Variants in BCAS3 observed in about 807,000 individuals in gnomAD.
BCAS3 encodes the protein BCAS4/BCAS3 fusion.
In BCAS3, 53 loss-of-function variants were observed where a neutral mutation model predicts 116.1. The observed-to-expected ratio is 0.46, with a 90% CI of 0.37 to 0.57. BCAS3 has a LOEUF of 0.57. Among genes scored for constraint, BCAS3 ranks in the 20% least tolerant of loss-of-function variants. BCAS3 has a pLI of 0.00. For missense variants in BCAS3, 917 were observed against 1,165.4 expected (o/e 0.79, Z 3.10); for synonymous variants, 391 against 408.2 (o/e 0.96, Z 0.51).
chr17:60,915,190 C>T (rs1260568511), intron 12 of BCAS3, among the ~76,000 whole-genome samples: 18 of 152,036 alleles, frequency 1.2e-4, no homozygotes, highest in Admixed American at 1.2e-3. Flanking sequence ...CCAGCTTAAC[C>T]TGAATGATGA....
At chr17:60,710,588 C>T (rs917105130) in intron 5 of BCAS3, among the ~76,000 whole-genome samples, 8 of 151,884 alleles carry the variant, frequency 5.3e-5, no homozygotes, top group Non-Finnish European at 7.4e-5. Context: ...CCCGCCACCA[C>T]GCCTGGCTAA....
In BCAS3 at chr17:61,037,267, T is replaced by C. The variant is rs1357288132; in HGVS notation, c.1763-622T>C. Reference sequence around the variant, plus strand: ...TCAGTTAGTCCATTTCCTGATATCATTCATTTTTCATAATGTGGGACAAAT... The same window carrying C: ...TCAGTTAGTCCATTTCCTGATATCACTCATTTTTCATAATGTGGGACAAAT... On this transcript the variant is annotated intron_variant, in intron 17 of 23. Transcript: ENST00000407086. This position sits in a 1 kb window ranked among gnomAD's most constrained non-coding sequence, Gnocchi z 4.7. Among the ~76,000 whole-genome samples, 3 of 152,224 alleles carry C rather than the reference T, an allele frequency of 2.0e-5. No individual in the cohort carries two copies. The highest frequency in any genetic ancestry group is 7.2e-5 in the African/African-American group (3 of 41,452).
At chr17:60,842,714 A>G (rs2052068758) in intron 7 of BCAS3, among the ~76,000 whole-genome samples, 1 of 151,978 alleles carries the variant, frequency 6.6e-6, no homozygotes, top group African/African-American at 2.4e-5. Context: ...CTCTACTCTA[A>G]CGTTAAGTTT....
chr17:60,839,557 T>C (rs1286877550), intron 7 of BCAS3, among the ~76,000 whole-genome samples: 6 of 149,012 alleles, frequency 4.0e-5, no homozygotes, highest in Non-Finnish European at 5.9e-5. Flanking sequence ...AGTTATTAAC[T>C]AGGCTCATCA....
At chr17:60,869,329 C>T (rs982507458) in intron 8 of BCAS3, among the ~76,000 whole-genome samples, 3 of 152,172 alleles carry the variant, frequency 2.0e-5, no homozygotes, top group African/African-American at 7.2e-5. Context: ...TTTCCTTTTC[C>T]GTTTAAGCAA....
chr17:60,845,971 C>T (rs962308630), intron 7 of BCAS3, among the ~76,000 whole-genome samples: 1 of 151,494 alleles, frequency 6.6e-6, no homozygotes, highest in East Asian at 1.9e-4. Flanking sequence ...CTCTGTCACT[C>T]AGGCTGGAGT....
chr17:60,746,907 G>A (rs537834017), intron 5 of BCAS3, among the ~76,000 whole-genome samples: 60 of 152,188 alleles, frequency 3.9e-4, no homozygotes, highest in African/African-American at 1.4e-3. Flanking sequence ...AGTTGTGCAG[G>A]AACTGTACAG....
intron 22 of BCAS3, among the ~76,000 whole-genome samples, chr17:61,305,516 G>A (rs1195731004): frequency 3.3e-5 from 5 of 152,152 alleles, no homozygotes; most frequent in East Asian, 1.9e-4. Flanking sequence ...GTGCATAATC[G>A]TTTACACTGA....
chr17:61,168,067 C>A (rs1287974332), intron 22 of BCAS3, among the ~76,000 whole-genome samples: 2 of 152,160 alleles, frequency 1.3e-5, no homozygotes, highest in African/African-American at 4.8e-5. Flanking sequence ...GCTTTTATCA[C>A]TCATTGGAAA....
chr17:61,267,336 C>T (rs1306721846), intron 22 of BCAS3, among the ~76,000 whole-genome samples: 2 of 151,970 alleles, frequency 1.3e-5, no homozygotes, highest in Non-Finnish European at 2.9e-5. Context: ...GGATTACAGG[C>T]GTGAGCCACT....
Position 61,251,816 on chromosome 17 carries a change from CT to C in BCAS3, c.2426-116508del, listed in dbSNP as rs2048389400. On this transcript the variant is annotated intron_variant, in intron 22 of 23. Coordinates refer to ENST00000407086, the MANE Select transcript of BCAS3 (RefSeq NM_017679.5). The surrounding 1 kb of genome is among the most constrained non-coding windows in gnomAD (Gnocchi z 4.7). The stretch of plus-strand genomic sequence containing the variant: ...TATTAGACAAAGCTACCCACTCCAT[CT>C]TTGTTTATAGAACTCATTTTCAGGA... 6.6e-6 allele frequency among the ~76,000 whole-genome samples: 1 copy of C among 152,190 alleles called. No homozygotes were observed. The highest frequency in any genetic ancestry group is 2.4e-5 in the African/African-American group (1 of 41,452).
Position 61,368,063 on chromosome 17 carries a change from A to G in BCAS3, c.2426-264A>G. The stretch of plus-strand genomic sequence containing the variant: ...GTCCCACTTCTTAAGGTGGTCCCTG[A>G]AGACCAGGGGAACCCTGTAGCTCCT... On this transcript the variant is annotated intron_variant, in intron 22 of 23. Transcript: ENST00000407086. The surrounding 1 kb of genome is among the most constrained non-coding windows in gnomAD (Gnocchi z 6.0). 1 of 336,930 alleles carries G rather than the reference A, an allele frequency of 3.0e-6. No homozygotes were observed. Among genetic ancestry groups the G allele is most frequent in the Non-Finnish European group, 5.4e-6 (1 of 186,604 alleles). The allele number at this position is 336,930 out of a possible 1,614,324, so 20.9% of individuals were successfully genotyped here.
chr17:61,114,774 A>C (rs1297546581), intron 22 of BCAS3, among the ~76,000 whole-genome samples: 4 of 149,842 alleles, frequency 2.7e-5, no homozygotes, highest in Non-Finnish European at 6.0e-5. Context: ...AAGAGCCCGC[A>C]TCGCCAAGGC....
intron 7 of BCAS3, among the ~76,000 whole-genome samples, chr17:60,813,192 A>G (rs2048997422): frequency 6.6e-6 from 1 of 152,076 alleles, no homozygotes; most frequent in Non-Finnish European, 1.5e-5. Context: ...TCCTCTATAC[A>G]TACACAGGCA....
Position 61,238,656 on chromosome 17 carries a change from C to T in BCAS3, c.2426-129671C>T, listed in dbSNP as rs976321385. On this transcript the variant is annotated intron_variant, in intron 22 of 23. Coordinates refer to ENST00000407086, the MANE Select transcript of BCAS3 (RefSeq NM_017679.5). ...TCTTTATGGCCTTGCTTTTTCTGAG[C>T]GACACATTTGCTACCATTGGTGTAT... 4.6e-5 allele frequency among the ~76,000 whole-genome samples: 7 copies of T among 152,210 alleles called. No homozygotes were observed. The East Asian group carries it at 5.8e-4, about 13-fold the overall frequency.
At chr17:61,109,409 G>A (rs902365170) in intron 22 of BCAS3, among the ~76,000 whole-genome samples, 5 of 152,050 alleles carry the variant, frequency 3.3e-5, no homozygotes, top group South Asian at 2.1e-4. Flanking sequence ...TGCTATAAAC[G>A]TGTGTGCAAG....
intron 6 of BCAS3, among the ~76,000 whole-genome samples, chr17:60,750,393 G>GAT (rs2144278395): frequency 6.6e-6 from 1 of 152,146 alleles, no homozygotes; most frequent in African/African-American, 2.4e-5. Flanking sequence ...ACTCAGTGTT[G>GAT]ATATATTGAA....
rs2060171100 is a variant in BCAS3 at position 61,392,220 on chromosome 17, C to T, written c.*95C>T. ...TCCTACCCTTCAGTCTCTGCTCTTC[C>T]TTCATCAACCACCTTCCCCAAGCTT... On this transcript the variant is annotated 3_prime_UTR_variant, in exon 24 of 24. Coordinates refer to ENST00000407086, the MANE Select transcript of BCAS3 (RefSeq NM_017679.5). This position sits in a 1 kb window ranked among gnomAD's most constrained non-coding sequence, Gnocchi z 6.4. 2 of 1,405,118 alleles carry T rather than the reference C, an allele frequency of 1.4e-6. No individual in the cohort carries two copies. Among genetic ancestry groups the T allele is most frequent in the African/African-American group, 2.9e-5 (2 of 69,644 alleles). The allele number at this position is 1,405,118 out of a possible 1,614,324, so 87.0% of individuals were successfully genotyped here.
At chr17:61,075,166 C>T (rs1316404935) in intron 20 of BCAS3, 146 bp downstream of exon 20, 1 of 624,938 alleles carries the variant, frequency 1.6e-6, no homozygotes, top group Non-Finnish European at 2.7e-6. Flanking sequence ...TTACAAATTA[C>T]TCCACAAATA....
Sources: allele counts gnomAD v4.1 joint callset (sites outside exome capture counted in the v4.1 genomes callset), GRCh38; gene constraint gnomAD v4.1.1; non-coding constraint Gnocchi (gnomAD v3.1); transcripts MANE v1.5; gene names NCBI Gene and HGNC (gene_info 2026-07-23, HGNC 2026-07-21).